GRM7: variants seen among roughly 807,000 people sequenced by gnomAD.
The protein encoded by GRM7 is glutamate metabotropic receptor 7.
A neutral mutation model predicts 84.5 loss-of-function variants in GRM7; 35 were observed. The observed-to-expected ratio is 0.41, with a 90% CI of 0.32 to 0.55. The LOEUF is 0.55. Ranked by LOEUF, GRM7 falls within the 20% of genes least tolerant of loss-of-function variation. The probability of loss-of-function intolerance (pLI) is 0.19; values close to 1 mark genes in which losing one functional copy is unlikely to be tolerated. For synonymous variants in GRM7, 487 were observed against 455.1 expected (o/e 1.07, Z -0.89); for missense variants, 1,003 against 1,194.6 (o/e 0.84, Z 2.36).
intron 3 of GRM7, 69 bp from the exon 4 acceptor site, chr3:7,306,429 C>G (rs1171849364): frequency 7.3e-7 from 1 of 1,363,058 alleles, no homozygotes; most frequent in Non-Finnish European, 1.0e-6. Flanking sequence ...CTTTTGCTGA[C>G]TTGCAATCTA....
chr3:6,926,209 T>C (rs1697292425), intron 1 of GRM7, among the ~76,000 whole-genome samples: 1 of 152,234 alleles, frequency 6.6e-6, no homozygotes, highest in African/African-American at 2.4e-5. Flanking sequence ...TCCTTCAGAA[T>C]AGCTCATTAG....
intron 9 of GRM7, among the ~76,000 whole-genome samples, chr3:7,684,966 C>G (rs1027467430): frequency 1.3e-5 from 2 of 151,928 alleles, no homozygotes. Flanking sequence ...TCTCACATTC[C>G]TGTCTAAGAA....
rs556641986 is a variant in GRM7, at chr3:7,609,424, G to A, written c.2451+30067G>A. On this transcript the variant is annotated intron_variant, in intron 8 of 9. Coordinates refer to ENST00000357716, the MANE Select transcript of GRM7 (RefSeq NM_000844.4). ...AGAGGGACAAATGTTGCTGCAGGGT[G>A]GGCTTGGAGATTGCTGGAACGATAT... is the stretch of plus-strand genomic sequence containing the variant. Among the ~76,000 whole-genome samples the A allele has an allele frequency of 2.6e-5, 4 of 152,262 alleles. No individual in the cohort carries two copies. The East Asian group carries it at 7.7e-4, about 29-fold the overall frequency.
intron 2 of GRM7, among the ~76,000 whole-genome samples, chr3:7,179,442 G>A (rs1443543932): frequency 2.2e-4 from 34 of 152,168 alleles, no homozygotes; most frequent in Admixed American, 2.2e-3. Flanking sequence ...CTTTGGTGTT[G>A]ATTTTTTTCA....
chr3:7,083,796 C>T (rs543384894), intron 1 of GRM7, among the ~76,000 whole-genome samples: 10 of 152,110 alleles, frequency 6.6e-5, no homozygotes, highest in South Asian at 6.2e-4. Context: ...GTGAGTGCTA[C>T]GACGAAAATC....
intron 2 of GRM7, among the ~76,000 whole-genome samples, chr3:7,170,236 T>G (rs1158046504): frequency 6.6e-6 from 1 of 152,074 alleles, no homozygotes; most frequent in Non-Finnish European, 1.5e-5. Context: ...GCCATTTAAG[T>G]AGAATGGGAG....
At chr3:7,171,683 C>G (rs1357252718) in intron 2 of GRM7, among the ~76,000 whole-genome samples, 5 of 152,276 alleles carry the variant, frequency 3.3e-5, no homozygotes, top group Admixed American at 1.3e-4. Context: ...AAAAGGTAAA[C>G]CGTCCTACAC....
intron 1 of GRM7, among the ~76,000 whole-genome samples, chr3:7,035,264 CAAAG>C (rs1256250860): frequency 6.6e-6 from 1 of 152,084 alleles, no homozygotes; most frequent in Admixed American, 6.5e-5. Context: ...AAAATGGAAG[CAAAG>C]AAGCCAAATT....
chr3:6,984,763 C>G (rs1694343811), intron 1 of GRM7, among the ~76,000 whole-genome samples: 1 of 152,056 alleles, frequency 6.6e-6, no homozygotes, highest in African/African-American at 2.4e-5. Flanking sequence ...GATATGAGGT[C>G]AGAGTTTCCT....
intron 1 of GRM7, among the ~76,000 whole-genome samples, chr3:7,038,790 G>A (rs1218468606): frequency 6.6e-6 from 1 of 152,154 alleles, no homozygotes; most frequent in Non-Finnish European, 1.5e-5. Flanking sequence ...AGACTTAGAG[G>A]ATTTTAATAA....
chr3:7,058,345 T>G (rs1182348910), intron 1 of GRM7, among the ~76,000 whole-genome samples: 1 of 151,948 alleles, frequency 6.6e-6, no homozygotes, highest in Non-Finnish European at 1.5e-5. Context: ...ACACAAATAT[T>G]GTTCTAAAGT....
chr3:7,025,027 C>G (rs939047050), intron 1 of GRM7, among the ~76,000 whole-genome samples: 4 of 152,152 alleles, frequency 2.6e-5, no homozygotes, highest in African/African-American at 9.7e-5. Flanking sequence ...GTTTTCTTGC[C>G]CTTTTCAAGT....
chr3:7,403,818 T>G (rs1695562067), intron 4 of GRM7, among the ~76,000 whole-genome samples: 1 of 151,138 alleles, frequency 6.6e-6, no homozygotes. Context: ...AGAATATGTG[T>G]GTGTGGATGG....
chr3:7,642,881 T>C (rs1259319089), intron 8 of GRM7, among the ~76,000 whole-genome samples: 1 of 152,040 alleles, frequency 6.6e-6, no homozygotes, highest in Non-Finnish European at 1.5e-5. Context: ...ATTTTATAGA[T>C]CATGAATGGA....
In GRM7 at chr3:7,481,033, C is replaced by T. The variant is rs185188670; in HGVS notation, c.1515+19311C>T. On this transcript the variant is annotated intron_variant, in intron 7 of 9. Coordinates refer to ENST00000357716, the MANE Select transcript of GRM7 (RefSeq NM_000844.4). ...AGTGGGTGGGCAAACACGGACAGGG[C>T]CATTGGGCTACAAGATTTTATTGTA... Among the ~76,000 whole-genome samples the T allele has an allele frequency of 7.5e-4, 114 of 151,402 alleles. No individual in the cohort carries two copies. In the Middle Eastern group the frequency reaches 0.01, roughly 14 times the overall value.
chr3:7,228,499 C>A (rs534648779), intron 2 of GRM7, among the ~76,000 whole-genome samples: 3 of 152,104 alleles, frequency 2.0e-5, no homozygotes, highest in Non-Finnish European at 1.5e-5. Flanking sequence ...GCTTAAGGAA[C>A]CTTTGAGAAT....
Position 7,192,209 on chromosome 3 carries a change from A to G in GRM7, c.736+45541A>G, listed in dbSNP as rs556558822. ...TTGAGAAGACCTGGTAAGGCTTGGG[A>G]TGGGATCCAGAAATTGGCATTATTA... On this transcript the variant is annotated intron_variant, in intron 2 of 9. Transcript: ENST00000357716. 4.6e-5 allele frequency among the ~76,000 whole-genome samples: 7 copies of G among 152,214 alleles called. No individual in the cohort carries two copies. The South Asian group carries it at 1.4e-3, about 32-fold the overall frequency.
At chr3:6,898,837 A>AT (rs1440685626) in intron 1 of GRM7, among the ~76,000 whole-genome samples, 2 of 150,558 alleles carry the variant, frequency 1.3e-5, no homozygotes, top group Admixed American at 1.3e-4. Context: ...AAAAAAAAAA[A>AT]TGAAGAAAGA....
intron 8 of GRM7, among the ~76,000 whole-genome samples, chr3:7,588,248 C>T (rs944353828): frequency 6.6e-6 from 1 of 152,132 alleles, no homozygotes; most frequent in Non-Finnish European, 1.5e-5. Context: ...GCAAGCAGTT[C>T]CTAATGAATA....
Sources: allele counts gnomAD v4.1 joint callset (sites outside exome capture counted in the v4.1 genomes callset), GRCh38; gene constraint gnomAD v4.1.1; transcripts MANE v1.5; gene names NCBI Gene and HGNC (gene_info 2026-07-23, HGNC 2026-07-21).